The following CKAP2L variants were observed in gnomAD, a reference collection of about 807,000 sequenced individuals.
CKAP2L encodes cytoskeleton associated protein 2L.
A neutral mutation model predicts 65.7 loss-of-function variants in CKAP2L; 42 were observed. That is an observed-to-expected ratio of 0.64 (90% CI 0.50 to 0.83). The LOEUF (loss-of-function observed/expected upper bound fraction) is 0.83, where lower values mean the gene tolerates loss of function less well. Ranked by LOEUF, CKAP2L falls within the 40% of genes least tolerant of loss-of-function variation. The pLI is 0.00. For missense variants in CKAP2L, 908 were observed against 871.0 expected (o/e 1.04, Z -0.53); for synonymous variants, 325 against 313.5 (o/e 1.04, Z -0.39).
Position 112,756,083 on chromosome 2 carries a change from G to C in CKAP2L, c.1288C>G (p.His430Asp), listed in dbSNP as rs1481703640. ...TTGGGAGCTGTCTTGTTCAGAAAAT[G>C]GTTCTGGGGAACAGCCTTTTTCAAC... Reference protein sequence around the residue: ...SKLKKAVPQNHFLNKTAPKTQ... With the variant: ...SKLKKAVPQNDFLNKTAPKTQ... The change falls in exon 4 of 9, where the codon CAT becomes GAT. Residue 430 changes from histidine (H) to aspartate (D), a missense_variant. Transcript: ENST00000302450. 2 of 1,614,112 alleles carry C rather than the reference G, an allele frequency of 1.2e-6. No homozygotes were observed. The highest frequency in any genetic ancestry group is 1.1e-5 in the South Asian group (1 of 91,080).
chr2:112,750,096 C>T (rs1680320550), intron 5 of CKAP2L, among the ~76,000 whole-genome samples: 1 of 152,124 alleles, frequency 6.6e-6, no homozygotes, highest in Non-Finnish European at 1.5e-5. Context: ...GGTAGTATGC[C>T]TTCCTTACAG....
At chr2:112,750,589 T>C (rs1250215859) in intron 5 of CKAP2L, among the ~76,000 whole-genome samples, 1 of 152,178 alleles carries the variant, frequency 6.6e-6, no homozygotes, top group Non-Finnish European at 1.5e-5. Context: ...GTCTTCCTAA[T>C]AAACTACTTT....
chr2:112,755,940 T>A, intron 4 of CKAP2L, 37 bp downstream of exon 4: 2 of 1,520,068 alleles, frequency 1.3e-6, no homozygotes, highest in Non-Finnish European at 1.8e-6. Context: ...TGCCTAATCA[T>A]CTTAAGTTGC....
At chr2:112,746,601 G>A (rs370843351) in intron 5 of CKAP2L, 26 bp from the exon 6 acceptor site, 23 of 1,537,626 alleles carry the variant, frequency 1.5e-5, no homozygotes, top group African/African-American at 6.8e-5. Flanking sequence ...ATATCCAGAG[G>A]TAATTATTAC....
rs1156581073 is a variant in CKAP2L at position 112,738,242 on chromosome 2, C to G, written c.*581G>C. 2.6e-5 allele frequency: 4 copies of G among 152,522 alleles called. No homozygotes were observed. Among genetic ancestry groups the G allele is most frequent in the Admixed American group, 6.5e-5 (1 of 15,310 alleles). 9.4% of individuals were successfully genotyped at this position (152,522 alleles called of 1,614,324 possible). ...AGGATTGTGTTTCATCTGAGGAGAC[C>G]TGGCATAGAAAAAACAAGAATTCTC... is the stretch of plus-strand genomic sequence containing the variant. On this transcript the variant is annotated 3_prime_UTR_variant, in exon 9 of 9. Coordinates refer to ENST00000302450, the MANE Select transcript of CKAP2L (RefSeq NM_152515.5).
chr2:112,755,286 C>T (rs761790997), intron 4 of CKAP2L, among the ~76,000 whole-genome samples: 2 of 152,140 alleles, frequency 1.3e-5, no homozygotes, highest in Non-Finnish European at 2.9e-5. Flanking sequence ...AACCTGAGAT[C>T]TTGATTTCCA....
intron 5 of CKAP2L, among the ~76,000 whole-genome samples, chr2:112,747,052 G>C (rs1244061189): frequency 6.6e-6 from 1 of 151,082 alleles, no homozygotes; most frequent in Non-Finnish European, 1.5e-5. Flanking sequence ...GCCTCTTAAC[G>C]TGCTGGGATT....
At chr2:112,757,653 G>C (rs908469966) in intron 3 of CKAP2L, among the ~76,000 whole-genome samples, 1 of 152,142 alleles carries the variant, frequency 6.6e-6, no homozygotes, top group Non-Finnish European at 1.5e-5. Context: ...GCCTCCCAAA[G>C]TGCTGGGATA....
chr2:112,757,389 T>C (rs997214494), intron 3 of CKAP2L, among the ~76,000 whole-genome samples, 175 bp from the exon 4 acceptor site: 4 of 144,804 alleles, frequency 2.8e-5, no homozygotes, highest in African/African-American at 1.0e-4. Context: ...TTTTGTGTTT[T>C]TTTTTTTTTT....
rs1208070487 is a variant in CKAP2L at position 112,756,326 on chromosome 2, G to T, written c.1045C>A (p.Pro349Thr). 1.5e-5 allele frequency: 24 copies of T among 1,613,604 alleles called. No homozygotes were observed. The highest frequency in any genetic ancestry group is 1.9e-5 in the Non-Finnish European group (23 of 1,179,808). Residue 349 changes from proline to threonine, a missense_variant, in exon 4 of 9, where the codon CCA becomes ACA. By Grantham distance (38) the Pro-to-Thr change is conservative. Transcript: ENST00000302450. Reference protein sequence around the residue: ...LLQGEYNNRHPNIKQDQKSSQ... With the variant: ...LLQGEYNNRHTNIKQDQKSSQ... ...GACTTCTGATCTTGCTTGATGTTTGGATGTCTGTTGTTATATTCACCCTGA... is the reference window on the plus strand; with the variant it reads ...GACTTCTGATCTTGCTTGATGTTTGTATGTCTGTTGTTATATTCACCCTGA...
At chr2:112,764,518 G>A in intron 1 of CKAP2L, 44 bp downstream of exon 1, 1 of 1,608,406 alleles carries the variant, frequency 6.2e-7, no homozygotes, top group South Asian at 1.1e-5. Context: ...TTCCCCGGCC[G>A]TGTTCCAACG....
intron 5 of CKAP2L, among the ~76,000 whole-genome samples, chr2:112,750,546 C>T (rs1680341711): frequency 6.6e-6 from 1 of 152,216 alleles, no homozygotes; most frequent in Admixed American, 6.5e-5. Context: ...TCTGATCCTA[C>T]AACTTCACTC....
intron 6 of CKAP2L, among the ~76,000 whole-genome samples, chr2:112,744,376 G>C (rs1214517790): frequency 1.3e-5 from 2 of 152,154 alleles, no homozygotes; most frequent in Admixed American, 6.5e-5. Context: ...GAAACAACCT[G>C]ACAGAAAGGC....
rs146457049 is a variant in CKAP2L, at chr2:112,742,330, G to GT, written c.1822+375dup. 7.1e-4 allele frequency: 504 copies of GT among 713,182 alleles called. No individual in the cohort carries two copies. In the African/African-American group the frequency reaches 7.8e-3, roughly 11 times the overall value. The allele number at this position is 713,182 out of a possible 1,614,324, so 44.2% of individuals were successfully genotyped here. A position where few individuals can be genotyped will look rare whatever the true frequency, so the allele number is the denominator to read the frequency against. On this transcript the variant is annotated intron_variant, in intron 7 of 8. Transcript: ENST00000302450. ...TTCCTGAGATAGCTATTTTTAAAGC[G>GT]TAACACAAATTTAGATGAGTATGTT... is the stretch of plus-strand genomic sequence containing the variant.
At position 112,763,753 on chromosome 2, in the gene CKAP2L, T is replaced by C. The variant is rs555939750; in HGVS notation, c.37+809A>G. On this transcript the variant is annotated intron_variant, in intron 1 of 8. Coordinates refer to ENST00000302450, the MANE Select transcript of CKAP2L (RefSeq NM_152515.5). ...TGTTTTGCTCTCTGATGCTCATGTA[T>C]CTATCCTTAGAGACAGCTTGGCGGG... 7 of 152,324 alleles carry C rather than the reference T, an allele frequency of 4.6e-5. No homozygotes were observed. The East Asian group carries it at 1.3e-3, about 29-fold the overall frequency. The allele number at this position is 152,324 out of a possible 1,614,324, so 9.4% of individuals were successfully genotyped here. A position where few individuals can be genotyped will look rare whatever the true frequency, so the allele number is the denominator to read the frequency against.
intron 5 of CKAP2L, among the ~76,000 whole-genome samples, chr2:112,748,686 C>T (rs1214960266): frequency 6.6e-6 from 1 of 151,996 alleles, no homozygotes; most frequent in Admixed American, 6.6e-5. Flanking sequence ...CACAGTGAGA[C>T]CCTGTGTCTA....
At chr2:112,761,707 G>A (rs1680728926) in intron 2 of CKAP2L, among the ~76,000 whole-genome samples, 1 of 152,148 alleles carries the variant, frequency 6.6e-6, no homozygotes, top group Non-Finnish European at 1.5e-5. Flanking sequence ...CTTGTTTGAT[G>A]TTTGTCTCTC....
At chr2:112,743,818 G>GA (rs924771590) in intron 6 of CKAP2L, among the ~76,000 whole-genome samples, 3 of 150,072 alleles carry the variant, frequency 2.0e-5, no homozygotes, top group African/African-American at 7.4e-5. Flanking sequence ...AACATACTTA[G>GA]AAAAAAAAAC....
At chr2:112,759,318 A>T (rs1301590826) in intron 3 of CKAP2L, among the ~76,000 whole-genome samples, 1 of 152,230 alleles carries the variant, frequency 6.6e-6, no homozygotes, top group African/African-American at 2.4e-5. Context: ...GGTAATGTAT[A>T]TAAACATGTC....
Sources: allele counts gnomAD v4.1 joint callset (sites outside exome capture counted in the v4.1 genomes callset), GRCh38; gene constraint gnomAD v4.1.1; transcripts MANE v1.5; gene names NCBI Gene and HGNC (gene_info 2026-07-23, HGNC 2026-07-21).